The following RMI1 variants were observed in gnomAD, a reference collection of about 807,000 sequenced individuals.
RMI1 encodes RecQ mediated genome instability 1, also known as recQ-mediated genome instability protein 1.
RMI1 carries 36 observed loss-of-function variants against 46.7 expected under a neutral mutation model. That is an observed-to-expected ratio of 0.77 (90% CI 0.59 to 1.02). The LOEUF (loss-of-function observed/expected upper bound fraction) is 1.02. RMI1 is among the 50% of genes least tolerant of loss of function. The pLI is 0.00. For synonymous variants in RMI1, 250 were observed against 252.9 expected (o/e 0.99, Z 0.11); for missense variants, 676 against 713.7 (o/e 0.95, Z 0.60).
intron 1 of RMI1, among the ~76,000 whole-genome samples, chr9:83,995,492 A>T (rs576969914): frequency 1.3e-4 from 19 of 150,050 alleles, no homozygotes; most frequent in African/African-American, 4.7e-4. Flanking sequence ...CAATAGCACG[A>T]TCTCAGATCA....
Position 83,985,124 on chromosome 9 carries a change from T to C in RMI1, c.-126+4233T>C, listed in dbSNP as rs148522663. On this transcript the variant is annotated intron_variant, in intron 1 of 2. Transcript: ENST00000445877. Reference sequence around the variant, plus strand: ...ATAATTTACCAAATTATTAAAGGTCTCAATTATTAATATCCAGTCTAAACT... The same window carrying C: ...ATAATTTACCAAATTATTAAAGGTCCCAATTATTAATATCCAGTCTAAACT... 4.1e-3 allele frequency among the ~76,000 whole-genome samples: 632 copies of C among 152,350 alleles called. 4 individuals are homozygous for C. Among genetic ancestry groups the C allele is most frequent in the African/African-American group, 0.015 (610 of 41,574 alleles).
intron 1 of RMI1, chr9:83,993,171 A>C (rs970062465): frequency 2.0e-5 from 3 of 152,204 alleles, no homozygotes; most frequent in African/African-American, 7.2e-5. Context: ...TCCCCACAAC[A>C]CTTGACAAAC....
chr9:83,999,015 C>T (rs1957699497), intron 1 of RMI1, among the ~76,000 whole-genome samples: 1 of 152,064 alleles, frequency 6.6e-6, no homozygotes, highest in South Asian at 2.1e-4. Context: ...GTGGCACACA[C>T]CTGTAGTCCC....
intron 1 of RMI1, chr9:83,993,150 C>T (rs992125032): frequency 9.7e-6 from 1 of 102,682 alleles, no homozygotes; most frequent in African/African-American, 2.7e-5. Flanking sequence ...CTGAAACTAC[C>T]CATTTCTCCC....
intron 1 of RMI1, among the ~76,000 whole-genome samples, chr9:83,997,088 G>A (rs1294981375): frequency 6.9e-6 from 1 of 145,882 alleles, no homozygotes. Flanking sequence ...TAAAGGTAGA[G>A]GTAAGTCCAA....
intron 1 of RMI1, among the ~76,000 whole-genome samples, chr9:83,989,636 C>A (rs748817265): frequency 2.0e-5 from 3 of 147,666 alleles, no homozygotes; most frequent in Non-Finnish European, 4.5e-5. Context: ...GAGATATCGT[C>A]TCACCCCAGT....
intron 1 of RMI1, chr9:83,993,087 T>G (rs764952852): frequency 1.3e-5 from 2 of 152,232 alleles, no homozygotes; most frequent in Non-Finnish European, 2.9e-5. Flanking sequence ...GCATTGTTAC[T>G]TATGTGCATA....
chr9:83,988,537 C>T (rs1164879703), intron 1 of RMI1, among the ~76,000 whole-genome samples: 1 of 152,140 alleles, frequency 6.6e-6, no homozygotes, highest in Non-Finnish European at 1.5e-5. Flanking sequence ...CTCTCAGGCT[C>T]GAGCAATCTG....
chr9:83,980,732 C>G (rs564618822), upstream of RMI1: 2 of 152,286 alleles, frequency 1.3e-5, no homozygotes, highest in African/African-American at 4.8e-5. Context: ...GTTTTCCAGC[C>G]CCGAAGGAGT....
chr9:84,002,530 T>G lies in RMI1; in HGVS notation c.1544T>G (p.Val515Gly), dbSNP rs773603519. 2 of 1,614,032 alleles carry G rather than the reference T, an allele frequency of 1.2e-6. No individual in the cohort carries two copies. The highest frequency in any genetic ancestry group is 4.5e-5 in the East Asian group (2 of 44,826). Residue 515 changes from valine (V) to glycine (G), a missense_variant, in exon 3 of 3, where the codon GTA becomes GGA. Transcript: ENST00000445877. ...ACAGTGAAAGTGAAAGCATTTATTG[T>G]AACCTTAACTGGAAATCTCTCAAGT... Reference protein sequence around the residue: ...VTTVKVKAFIVTLTGNLSSSG... With the variant: ...VTTVKVKAFIGTLTGNLSSSG...
chr9:83,981,680 C>G (rs556004742), intron 1 of RMI1, among the ~76,000 whole-genome samples: 4 of 152,342 alleles, frequency 2.6e-5, no homozygotes, highest in African/African-American at 9.6e-5. Context: ...ATAAAGGTGT[C>G]ATAATCTGCA....
Position 84,002,738 on chromosome 9 carries a change from T to C in RMI1, c.1752T>C (p.Asp584=), listed in dbSNP as rs374166478. The C allele has an allele frequency of 5.1e-5, 82 of 1,613,788 alleles. No individual in the cohort carries two copies. Among genetic ancestry groups the C allele is most frequent in the Admixed American group, 1.7e-5 (1 of 59,978 alleles). The change falls in exon 3 of 3, where the codon GAT becomes GAC. Residue 584 remains aspartate (D), a synonymous_variant. Transcript: ENST00000445877. ...AAGGGTTGCAGAAATGTCAAAGAGA[T>C]CTAATAGATTTGTGCTGTCTAATGA... is the stretch of plus-strand genomic sequence containing the variant. ...FLEGLQKCQR[D]LIDLCCLMTI... is the part of the protein sequence containing the mutation.
intron 1 of RMI1, among the ~76,000 whole-genome samples, chr9:83,982,040 G>A (rs1238214839): frequency 6.6e-6 from 1 of 152,218 alleles, no homozygotes; most frequent in African/African-American, 2.4e-5. Flanking sequence ...ACCATGAAGA[G>A]TGTATAGTCT....
chr9:83,985,521 TC>T (rs1344602282), intron 1 of RMI1, among the ~76,000 whole-genome samples: 1 of 152,256 alleles, frequency 6.6e-6, no homozygotes, highest in African/African-American at 2.4e-5. Flanking sequence ...GGAATTTTTT[TC>T]TTTGCCCAGT....
chr9:84,002,124 G>A lies in RMI1; in HGVS notation c.1138G>A (p.Glu380Lys), dbSNP rs1405425310. 1.2e-6 allele frequency: 2 copies of A among 1,613,594 alleles called. No individual in the cohort carries two copies. The highest frequency in any genetic ancestry group is 3.3e-5 in the Admixed American group (2 of 59,980). ...TAATTGGAGTGAAAAAAATGTATCT[G>A]AACAAATGACTAATGAAGACAAATC... is the stretch of plus-strand genomic sequence containing the variant. Reference protein sequence around the residue: ...NNNWSEKNVSEQMTNEDKSFG... With the variant: ...NNNWSEKNVSKQMTNEDKSFG... The change falls in exon 3 of 3, where the codon GAA becomes AAA. Residue 380 changes from glutamate to lysine, a missense_variant. Coordinates refer to ENST00000445877, the MANE Select transcript of RMI1 (RefSeq NM_001358291.2).
chr9:83,988,235 C>T (rs1183737833), intron 1 of RMI1, among the ~76,000 whole-genome samples: 1 of 152,132 alleles, frequency 6.6e-6, no homozygotes, highest in Non-Finnish European at 1.5e-5. Flanking sequence ...TGAGTAAATA[C>T]CTTGCAGTTG....
chr9:83,982,855 A>G (rs1013506072), intron 1 of RMI1, among the ~76,000 whole-genome samples: 2 of 152,140 alleles, frequency 1.3e-5, no homozygotes, highest in Non-Finnish European at 2.9e-5. Context: ...ATAACAGGAA[A>G]GTCTTTTTTC....
intron 1 of RMI1, among the ~76,000 whole-genome samples, chr9:83,991,609 C>T (rs1009182210): frequency 1.3e-5 from 2 of 152,168 alleles, no homozygotes; most frequent in African/African-American, 2.4e-5. Context: ...TGAGCCACCA[C>T]GTCCAGCCTG....
chr9:83,980,921 G>C (rs1037180043), intron 1 of RMI1, 30 bp downstream of exon 1: 2 of 152,468 alleles, frequency 1.3e-5, no homozygotes, highest in East Asian at 3.9e-4. Flanking sequence ...TTATGCCCGT[G>C]TTTTCACAGC....
Sources: allele counts gnomAD v4.1 joint callset (sites outside exome capture counted in the v4.1 genomes callset), GRCh38; gene constraint gnomAD v4.1.1; transcripts MANE v1.5; gene names NCBI Gene and HGNC (gene_info 2026-07-23, HGNC 2026-07-21).